TRRAP: variants seen among roughly 807,000 people sequenced by gnomAD.
The protein encoded by TRRAP is transformation/transcription domain associated protein.
In TRRAP, 41 loss-of-function variants were observed where a neutral mutation model predicts 438.8. The observed-to-expected ratio is 0.09, with a 90% CI of 0.07 to 0.12. TRRAP has a LOEUF of 0.12. TRRAP is among the 10% of genes least tolerant of loss of function. The pLI is 1.00. For missense variants in TRRAP, 3,122 were observed against 5,055.1 expected, an observed-to-expected ratio of 0.62 and a Z score of 11.60; for synonymous variants, 1,994 against 1,962.9, an observed-to-expected ratio of 1.02 and a Z score of -0.42.
intron 62 of TRRAP, among the ~76,000 whole-genome samples, chr7:98,987,222 A>G (rs1007704572): frequency 6.6e-6 from 1 of 152,178 alleles, no homozygotes; most frequent in African/African-American, 2.4e-5. Context: ...TCATATTTCC[A>G]TATGAATTTT....
At chr7:99,008,255 G>A in intron 69 of TRRAP, 122 bp from the exon 70 acceptor site, 1 of 1,036,894 alleles carries the variant, frequency 9.6e-7, no homozygotes, top group Non-Finnish European at 1.4e-6. Context: ...GGTTCTTCCA[G>A]CTAAGCCCCC....
chr7:98,987,667 C>A (rs568448960), intron 62 of TRRAP, among the ~76,000 whole-genome samples: 1 of 152,246 alleles, frequency 6.6e-6, no homozygotes, highest in East Asian at 1.9e-4. Context: ...ATAAGGATGC[C>A]TTTTATTTCT....
Position 98,994,914 on chromosome 7 carries a change from T to C in TRRAP, c.10309+66T>C. The C allele has an allele frequency of 6.3e-7, 1 of 1,576,578 alleles. No homozygotes were observed. The highest frequency in any genetic ancestry group is 1.3e-5 in the African/African-American group (1 of 74,192). ...GCACGCTGATTTCCTCCGGCTTTAG[T>C]GTTGAAGCTGATTGGATCCTTGGTT... On this transcript the variant is annotated intron_variant, in intron 67 of 72. Coordinates refer to ENST00000456197, the MANE Select transcript of TRRAP (RefSeq NM_001375524.1). This position sits in a 1 kb window ranked among gnomAD's most constrained non-coding sequence, Gnocchi z 4.8.
chr7:98,977,528 G>A (rs545033151), intron 56 of TRRAP, among the ~76,000 whole-genome samples: 7 of 152,344 alleles, frequency 4.6e-5, no homozygotes, highest in Admixed American at 2.0e-4. Flanking sequence ...ACTGAAGTCT[G>A]CATTTAAGAG....
chr7:98,945,688 G>A (rs1031599270), intron 31 of TRRAP, 59 bp from the exon 32 acceptor site: 2 of 1,583,530 alleles, frequency 1.3e-6, no homozygotes, highest in South Asian at 1.1e-5. Flanking sequence ...TGAGTATGTG[G>A]GAAGTTTTTA....
Position 98,937,283 on chromosome 7 carries a change from TGTGTGTGCGTGC to T in TRRAP, c.4233+11_4233+22del, listed in dbSNP as rs139606125. 6.2e-7 allele frequency: 1 copy of T among 1,609,672 alleles called. No individual in the cohort carries two copies. The highest frequency in any genetic ancestry group is 8.5e-7 in the Non-Finnish European group (1 of 1,178,116). ...GAGAAGCCTGTATGAGAAAGGTGAG[TGTGTGTGCGTGC>T]GTGTATGCGCACGCGTGTGTGCACA... On this transcript the variant is annotated splice_region_variant and intron_variant, in intron 29 of 72. Transcript: ENST00000456197.
At position 98,953,202 on chromosome 7, in the gene TRRAP, C is replaced by A. The variant is rs373042115; in HGVS notation, c.5499C>A (p.Asp1833Glu). Residue 1833 changes from aspartate (D) to glutamate (E), a missense_variant, in exon 40 of 73, where the codon GAC becomes GAA. Asp to Glu is a conservative substitution (Grantham distance 45, BLOSUM62 2). Transcript: ENST00000456197. ...LDPEKQADMLDSLRIYLLQYA... is the reference protein window; with the variant it reads ...LDPEKQADMLESLRIYLLQYA... ...CCGAGAAGCAGGCGGACATGCTGGA[C>A]TCGCTGCGGATCTACCTGCTGCAGT... 101 of 1,613,228 alleles carry A rather than the reference C, an allele frequency of 6.3e-5. No individual in the cohort carries two copies. Among genetic ancestry groups the A allele is most frequent in the Non-Finnish European group, 7.9e-5 (93 of 1,180,002 alleles).
At chr7:99,003,835 G>A (rs1026683044) in intron 67 of TRRAP, among the ~76,000 whole-genome samples, 1 of 152,170 alleles carries the variant, frequency 6.6e-6, no homozygotes, top group Non-Finnish European at 1.5e-5. Context: ...AGGCTGAGGT[G>A]GGCGGATCAT....
intron 12 of TRRAP, among the ~76,000 whole-genome samples, chr7:98,905,297 G>T (rs1796677351): frequency 6.6e-6 from 1 of 152,170 alleles, no homozygotes; most frequent in Non-Finnish European, 1.5e-5. Flanking sequence ...GTTACCTAGA[G>T]ATGTGCATCT....
At chr7:98,951,711 G>A (rs1402717114) in intron 39 of TRRAP, among the ~76,000 whole-genome samples, 1 of 152,212 alleles carries the variant, frequency 6.6e-6, no homozygotes, top group Non-Finnish European at 1.5e-5. Flanking sequence ...CAAGGCAGAG[G>A]GGACTGTTGT....
intron 65 of TRRAP, among the ~76,000 whole-genome samples, chr7:98,992,740 G>A (rs1196062792): frequency 2.6e-5 from 4 of 152,190 alleles, no homozygotes; most frequent in African/African-American, 4.8e-5. Context: ...GATGGCTTCA[G>A]TTACCCACTA....
intron 46 of TRRAP, 132 bp downstream of exon 46, chr7:98,961,606 T>G: frequency 8.6e-7 from 1 of 1,158,044 alleles, no homozygotes; most frequent in Non-Finnish European, 1.2e-6. Context: ...TTGCAAACTT[T>G]CTTTTAAAAA....
chr7:99,008,091 T>C (rs1419699798), intron 69 of TRRAP, among the ~76,000 whole-genome samples: 1 of 152,208 alleles, frequency 6.6e-6, no homozygotes, highest in Non-Finnish European at 1.5e-5. Context: ...CCCAAAGTGC[T>C]GTGATTACAG....
chr7:98,910,143 G>T lies in TRRAP; in HGVS notation c.1438G>T (p.Val480Leu). The change falls in exon 15 of 73, where the codon GTG (valine) becomes TTG (leucine). Residue 480 changes from valine (V) to leucine (L), a missense_variant. By Grantham distance (32) the Val-to-Leu change is conservative. Around this residue, in one of 24 missense-constraint regions of TRRAP, gnomAD observed 115 missense variants for 124.6 expected, o/e 0.92. Coordinates refer to ENST00000456197, the MANE Select transcript of TRRAP (RefSeq NM_001375524.1). ...KCKPQSELGA[V>L]EAALPGVPTA... Reference sequence around the variant, plus strand: ...TAAGCCTCAGTCAGAACTTGGAGCCGTGGAAGCAGCTCTGCCTGGGGTGCC... The same window carrying T: ...TAAGCCTCAGTCAGAACTTGGAGCCTTGGAAGCAGCTCTGCCTGGGGTGCC... 1 of 1,612,216 alleles carries T rather than the reference G, an allele frequency of 6.2e-7. No individual in the cohort carries two copies.
Position 98,937,709 on chromosome 7 carries a change from G to T in TRRAP, c.4293G>T (p.Leu1431=), listed in dbSNP as rs370352429. 2.0e-5 allele frequency: 33 copies of T among 1,613,962 alleles called. No homozygotes were observed. Among genetic ancestry groups the T allele is most frequent in the Non-Finnish European group, 7.6e-6 (9 of 1,179,986 alleles). The part of the protein sequence containing the change: ...DQIHTHMRPL[L]MMLGDYRSLT... The stretch of plus-strand genomic sequence containing the variant: ...TCCACACACATATGCGACCTTTGCT[G>T]ATGATGCTGGGAGATTACCGGAGCT... Residue 1431 remains leucine, a synonymous_variant, in exon 30 of 73, where the codon CTG becomes CTT. Coordinates refer to ENST00000456197, the MANE Select transcript of TRRAP (RefSeq NM_001375524.1).
At chr7:98,885,575 C>T (rs1488496474) in intron 3 of TRRAP, among the ~76,000 whole-genome samples, 3 of 151,636 alleles carry the variant, frequency 2.0e-5, no homozygotes, top group African/African-American at 4.9e-5. Context: ...GACTTGTTGC[C>T]TTGAGCTGAG....
intron 40 of TRRAP, among the ~76,000 whole-genome samples, chr7:98,954,420 ACCT>A (rs1397048279): frequency 6.6e-6 from 1 of 151,980 alleles, no homozygotes; most frequent in Non-Finnish European, 1.5e-5. Flanking sequence ...TCTCTTGTGA[ACCT>A]CTGTGGTGTT....
At position 98,993,723 on chromosome 7, in the gene TRRAP, A is replaced by G; in HGVS notation, c.10033A>G (p.Asn3345Asp). The G allele has an allele frequency of 6.2e-7, 1 of 1,614,200 alleles. No individual in the cohort carries two copies. The highest frequency in any genetic ancestry group is 8.5e-7 in the Non-Finnish European group (1 of 1,180,032). ...CGATCAGATGGTCTGGTTCAGAGAA[A>G]ATTGGCATGAAGAGGTATTTGGCTC... The part of the protein sequence containing the change: ...IVDQMVWFRE[N>D]WHEEVLRQLQ... The change falls in exon 66 of 73, where the codon AAT (asparagine) becomes GAT (aspartate). Residue 3345 changes from asparagine to aspartate, a missense_variant. Transcript: ENST00000456197.
chr7:98,976,088 G>A lies in TRRAP; in HGVS notation c.7840-61G>A, dbSNP rs1043180806. On this transcript the variant is annotated intron_variant, in intron 53 of 72. Coordinates refer to ENST00000456197, the MANE Select transcript of TRRAP (RefSeq NM_001375524.1). This position sits in a 1 kb window ranked among gnomAD's most constrained non-coding sequence, Gnocchi z 4.6. ...GACAGATCATGGGTGTCTTCTGAGC[G>A]TGGTTGTGCGAGGCACCCCCAGCCC... The A allele has an allele frequency of 6.5e-5, 104 of 1,600,110 alleles. No homozygotes were observed. Among genetic ancestry groups the A allele is most frequent in the South Asian group, 5.9e-4 (53 of 90,122 alleles).
Sources: gnomAD v4.1 joint callset for allele counts (sites outside exome capture counted in the v4.1 genomes callset) on GRCh38, gnomAD v4.1.1 for gene constraint, gnomAD v4.1.1 regional missense constraint, Gnocchi (gnomAD v3.1) non-coding constraint, MANE v1.5 for transcripts, NCBI Gene and HGNC (gene_info 2026-07-23, HGNC 2026-07-21) for gene names.